RBFOX1: variants seen among roughly 807,000 people sequenced by gnomAD.
RBFOX1 encodes the protein RNA binding fox-1 homolog 1.
RBFOX1 carries 8 observed loss-of-function variants against 57.7 expected under a neutral mutation model. That is an observed-to-expected ratio of 0.14 (90% CI 0.08 to 0.25). The LOEUF (loss-of-function observed/expected upper bound fraction) is 0.25. Among genes scored for constraint, RBFOX1 ranks in the 10% least tolerant of loss-of-function variants. The pLI is 1.00. For synonymous variants in RBFOX1, 326 were observed against 222.4 expected (o/e 1.47, Z -4.15); for missense variants, 611 against 548.5 (o/e 1.11, Z -1.14).
chr16:7,159,723 G>T (rs1601435470), intron 4 of RBFOX1, among the ~76,000 whole-genome samples: 2 of 152,276 alleles, frequency 1.3e-5, no homozygotes, highest in Admixed American at 6.5e-5. Flanking sequence ...TAGTCTGTTG[G>T]ATAGCCTGAC....
At chr16:6,504,838 G>A (rs535767515) in intron 2 of RBFOX1, among the ~76,000 whole-genome samples, 2 of 152,088 alleles carry the variant, frequency 1.3e-5, no homozygotes, top group East Asian at 1.9e-4. Context: ...GGTGAATCAC[G>A]AGGTCAGGAG....
chr16:6,248,097 C>A (rs1417171144), intron 1 of RBFOX1, among the ~76,000 whole-genome samples: 1 of 152,182 alleles, frequency 6.6e-6, no homozygotes, highest in African/African-American at 2.4e-5. Flanking sequence ...AGCCGTCTCT[C>A]TTTTATTCCT....
chr16:6,975,637 A>G (rs1009193056), intron 3 of RBFOX1, among the ~76,000 whole-genome samples: 1 of 152,164 alleles, frequency 6.6e-6, no homozygotes, highest in East Asian at 1.9e-4. Flanking sequence ...TGACAGATGA[A>G]AAGACTGAGC....
At chr16:6,856,960 AAGGG>A (rs1329409559) in intron 3 of RBFOX1, among the ~76,000 whole-genome samples, 1 of 152,168 alleles carries the variant, frequency 6.6e-6, no homozygotes, top group African/African-American at 2.4e-5. Flanking sequence ...CATGAGAAGA[AAGGG>A]AGGGACAAAG....
At chr16:7,137,388 C>T (rs948910435) in intron 4 of RBFOX1, among the ~76,000 whole-genome samples, 3 of 152,016 alleles carry the variant, frequency 2.0e-5, no homozygotes, top group Admixed American at 6.5e-5. Context: ...GGGTAGTTTC[C>T]CCCATACTGT....
chr16:6,339,918 C>T (rs1322956493), intron 2 of RBFOX1, among the ~76,000 whole-genome samples: 1 of 151,958 alleles, frequency 6.6e-6, no homozygotes, highest in Non-Finnish European at 1.5e-5. Context: ...ACCTCATGAT[C>T]CACCCACCTC....
chr16:6,767,947 T>TAATAATAATAATAAGAAGAAG (rs1410744665), intron 3 of RBFOX1, among the ~76,000 whole-genome samples: 27 of 101,036 alleles, frequency 2.7e-4, no homozygotes, highest in African/African-American at 9.8e-4. Context: ...ATAATAATAA[T>TAATAATAATAATAAGAAGAAG]AAGAAGAAGA....
intron 4 of RBFOX1, among the ~76,000 whole-genome samples, chr16:7,188,608 C>T (rs1226036678): frequency 1.3e-5 from 2 of 152,162 alleles, no homozygotes; most frequent in Admixed American, 6.5e-5. Flanking sequence ...GTTTATGCTG[C>T]AGACTTTTCC....
At chr16:5,353,373 A>G (rs1044251859) in intron 1 of RBFOX1, among the ~76,000 whole-genome samples, 4 of 52,694 alleles carry the variant, frequency 7.6e-5, no homozygotes, top group Non-Finnish European at 1.8e-4. Flanking sequence ...GTAGTGTCTG[A>G]AAAAAAAAAA....
At chr16:7,503,052 A>G (rs1262640806) in intron 4 of RBFOX1, among the ~76,000 whole-genome samples, 1 of 152,158 alleles carries the variant, frequency 6.6e-6, no homozygotes, top group African/African-American at 2.4e-5. Flanking sequence ...TTCTAAATTT[A>G]TCCATGTCCA....
chr16:6,059,052 A>G (rs1276980693), intron 1 of RBFOX1, among the ~76,000 whole-genome samples: 1 of 152,240 alleles, frequency 6.6e-6, no homozygotes, highest in Non-Finnish European at 1.5e-5. Flanking sequence ...CACCACATGC[A>G]CTACTATTAA....
chr16:6,845,689 G>C (rs1339247798), intron 3 of RBFOX1, among the ~76,000 whole-genome samples: 1 of 152,122 alleles, frequency 6.6e-6, no homozygotes. Context: ...GATCTCACCA[G>C]AACGTTCCAG....
At chr16:6,628,445 A>G (rs752205120) in intron 2 of RBFOX1, among the ~76,000 whole-genome samples, 9 of 152,232 alleles carry the variant, frequency 5.9e-5, no homozygotes, top group Non-Finnish European at 7.3e-5. Context: ...TATAGAAAAT[A>G]TGAAAGAATC....
At chr16:6,975,155 C>G (rs1435164334) in intron 3 of RBFOX1, among the ~76,000 whole-genome samples, 1 of 152,142 alleles carries the variant, frequency 6.6e-6, no homozygotes, top group South Asian at 2.1e-4. Context: ...CCTGGACTAG[C>G]TCTGTGGGTT....
intron 3 of RBFOX1, among the ~76,000 whole-genome samples, chr16:6,797,080 AG>A (rs1453124087): frequency 6.6e-6 from 1 of 152,186 alleles, no homozygotes; most frequent in African/African-American, 2.4e-5. Context: ...GCAAATAAAT[AG>A]AGTAACACAT....
At chr16:7,382,045 C>T (rs1187011354) in intron 4 of RBFOX1, among the ~76,000 whole-genome samples, 1 of 152,220 alleles carries the variant, frequency 6.6e-6, no homozygotes, top group Non-Finnish European at 1.5e-5. Flanking sequence ...TTTCTTGTAG[C>T]ATTTATAAAT....
At chr16:6,865,000 T>C (rs56299941) in intron 3 of RBFOX1, among the ~76,000 whole-genome samples, 7,172 of 115,684 alleles carry the variant, frequency 0.062, 117 homozygotes, top group South Asian at 0.12. Flanking sequence ...TTTTTCTTTT[T>C]TTTTTTTTTT....
At chr16:7,176,539 G>A (rs1488678584) in intron 4 of RBFOX1, among the ~76,000 whole-genome samples, 2 of 152,102 alleles carry the variant, frequency 1.3e-5, no homozygotes, top group Admixed American at 6.5e-5. Flanking sequence ...AGTTATAGTG[G>A]AACACAGCCA....
intron 3 of RBFOX1, among the ~76,000 whole-genome samples, chr16:7,005,506 G>T (rs183353486): frequency 1.3e-5 from 2 of 152,168 alleles, no homozygotes; most frequent in East Asian, 3.9e-4. Context: ...GCAGGTGAAC[G>T]AGAAAATTGG....
Sources: gnomAD v4.1 joint callset for allele counts (sites outside exome capture counted in the v4.1 genomes callset) on GRCh38, gnomAD v4.1.1 for gene constraint, MANE v1.5 for transcripts, NCBI Gene and HGNC (gene_info 2026-07-23, HGNC 2026-07-21) for gene names.